Variants in PLCG1 observed in about 807,000 individuals in gnomAD.
PLCG1 encodes phospholipase C gamma 1.
Under a neutral mutation model 177.8 loss-of-function variants are expected in PLCG1, and 71 were observed. The observed-to-expected ratio is 0.40, with a 90% confidence interval of 0.33 to 0.49. The LOEUF (loss-of-function observed/expected upper bound fraction) is 0.49, where lower values mean the gene tolerates loss of function less well. Ranked by LOEUF, PLCG1 falls within the 20% of genes least tolerant of loss-of-function variation. The probability of loss-of-function intolerance (pLI) is 0.72; values close to 1 mark genes in which losing one functional copy is unlikely to be tolerated. For synonymous variants in PLCG1, 658 were observed against 647.9 expected, an observed-to-expected ratio of 1.02 and a Z score of -0.24; for missense variants, 1,281 against 1,709.0, an observed-to-expected ratio of 0.75 and a Z score of 4.42.
rs2146039550 is a variant in PLCG1, at chr20:41,163,544, G to A, written c.891+65G>A. The A allele has an allele frequency of 1.0e-5, 13 of 1,263,528 alleles. No homozygotes were observed. Among genetic ancestry groups the A allele is most frequent in the East Asian group, 2.3e-5 (1 of 43,246 alleles). 78.3% of individuals were successfully genotyped at this position (1,263,528 alleles called of 1,614,324 possible). A position where few individuals can be genotyped will look rare whatever the true frequency, so the allele number is the denominator to read the frequency against. Reference sequence around the variant, plus strand: ...AGTAGGGGTGACCAGGACCCCACCCGGGCTCCAGGAGCTAGACGCTCCTTA... The same window carrying A: ...AGTAGGGGTGACCAGGACCCCACCCAGGCTCCAGGAGCTAGACGCTCCTTA... On this transcript the variant is annotated intron_variant, in intron 9 of 31. Coordinates refer to ENST00000685551, the MANE Select transcript of PLCG1 (RefSeq NM_002660.3). The surrounding 1 kb of genome is among the most constrained non-coding windows in gnomAD (Gnocchi z 5.2).
rs368335992 is a variant in PLCG1 at position 41,163,957 on chromosome 20, C to T, written c.1047C>T (p.Ser349=). ...GGGACCAGTTCTCCAGTGAGTCCTCCTTGGAAGCCTATGCTCGCTGCCTGC... is the reference window on the plus strand; with the variant it reads ...GGGACCAGTTCTCCAGTGAGTCCTCTTTGGAAGCCTATGCTCGCTGCCTGC... ...LTGDQFSSES[S]LEAYARCLRM... Residue 349 remains serine, a synonymous_variant, in exon 11 of 32, where the codon TCC becomes TCT. Coordinates refer to ENST00000685551, the MANE Select transcript of PLCG1 (RefSeq NM_002660.3). This position sits in a 1 kb window ranked among gnomAD's most constrained non-coding sequence, Gnocchi z 5.2. 23 of 1,614,074 alleles carry T rather than the reference C, an allele frequency of 1.4e-5. No individual in the cohort carries two copies. Among genetic ancestry groups the T allele is most frequent in the East Asian group, 2.2e-5 (1 of 44,890 alleles).
At position 41,151,741 on chromosome 20, in the gene PLCG1, A is replaced by G. The variant is rs550374655; in HGVS notation, c.218-7865A>G. On this transcript the variant is annotated intron_variant, in intron 1 of 31. Coordinates refer to ENST00000685551, the MANE Select transcript of PLCG1 (RefSeq NM_002660.3). This position sits in a 1 kb window ranked among gnomAD's most constrained non-coding sequence, Gnocchi z 5.5. Reference sequence around the variant, plus strand: ...TGCAGCCAGCTTGGAAATGCTGACCATCCTGTGACCTGGCTACTATTGCAT... The same window carrying G: ...TGCAGCCAGCTTGGAAATGCTGACCGTCCTGTGACCTGGCTACTATTGCAT... 6.6e-6 allele frequency among the ~76,000 whole-genome samples: 1 copy of G among 152,262 alleles called. No homozygotes were observed. Among genetic ancestry groups the G allele is most frequent in the African/African-American group, 2.4e-5 (1 of 41,548 alleles).
rs1365063985 is a variant in PLCG1, at chr20:41,173,627, A to C, written c.3395-25A>C. Reference sequence around the variant, plus strand: ...TCCCATCCTCTCCCACGGTGACCTGAAGCCTTTTGTCGTTGCCTTCACAGT... The same window carrying C: ...TCCCATCCTCTCCCACGGTGACCTGCAGCCTTTTGTCGTTGCCTTCACAGT... On this transcript the variant is annotated intron_variant, in intron 28 of 31. Coordinates refer to ENST00000685551, the MANE Select transcript of PLCG1 (RefSeq NM_002660.3). This position sits in a 1 kb window ranked among gnomAD's most constrained non-coding sequence, Gnocchi z 6.2. 3.7e-6 allele frequency: 6 copies of C among 1,614,102 alleles called. No homozygotes were observed. The highest frequency in any genetic ancestry group is 8.5e-7 in the Non-Finnish European group (1 of 1,180,002).
chr20:41,154,624 C>T (rs1017319908), intron 1 of PLCG1, among the ~76,000 whole-genome samples: 12 of 152,052 alleles, frequency 7.9e-5, no homozygotes, highest in Admixed American at 4.6e-4. Flanking sequence ...TCGGGGGAGT[C>T]GGGGTGGGAG....
At chr20:41,152,467 T>G (rs1233878544) in intron 1 of PLCG1, among the ~76,000 whole-genome samples, 1 of 152,262 alleles carries the variant, frequency 6.6e-6, no homozygotes, top group South Asian at 2.1e-4. Flanking sequence ...CGTTGTTACC[T>G]CACTGACCAC....
chr20:41,138,328 G>C (rs2034682784), intron 1 of PLCG1, among the ~76,000 whole-genome samples: 1 of 152,204 alleles, frequency 6.6e-6, no homozygotes, highest in African/African-American at 2.4e-5. Flanking sequence ...ATTTGCAAAG[G>C]AATCTTTGGG....
rs1304149698 is a variant in PLCG1 at position 41,161,695 on chromosome 20, C to T, written c.513-757C>T. On this transcript the variant is annotated intron_variant, in intron 4 of 31. Coordinates refer to ENST00000685551, the MANE Select transcript of PLCG1 (RefSeq NM_002660.3). ...GTGCCTCCTCCCAGGCTCTTGGGGCCCAGAGGAGGTGGTCCCACCCTCCCC... is the reference window on the plus strand; with the variant it reads ...GTGCCTCCTCCCAGGCTCTTGGGGCTCAGAGGAGGTGGTCCCACCCTCCCC... Among the ~76,000 whole-genome samples, 3 of 152,018 alleles carry T rather than the reference C, an allele frequency of 2.0e-5. No individual in the cohort carries two copies. In the East Asian group the frequency reaches 5.8e-4, roughly 29 times the overall value.
rs540938105 is a variant in PLCG1 at position 41,147,840 on chromosome 20, T to C, written c.217+9982T>C. ...TCCAGCCTGGGTGACAGAGCAAGAC[T>C]CTGTCTCTTTAAAAAAAAAAAAAAA... On this transcript the variant is annotated intron_variant, in intron 1 of 31. Transcript: ENST00000685551. This position sits in a 1 kb window ranked among gnomAD's most constrained non-coding sequence, Gnocchi z 4.0. Among the ~76,000 whole-genome samples the C allele has an allele frequency of 6.6e-6, 1 of 151,550 alleles. No homozygotes were observed. Among genetic ancestry groups the C allele is most frequent in the South Asian group, 2.1e-4 (1 of 4,762 alleles).
chr20:41,149,158 A>T (rs958247719), intron 1 of PLCG1, among the ~76,000 whole-genome samples: 12 of 152,198 alleles, frequency 7.9e-5, no homozygotes, highest in African/African-American at 2.9e-4. Flanking sequence ...CAGAGGTAGT[A>T]ACTACTTCAT....
In PLCG1 at chr20:41,157,228, G is replaced by GTGTGTGTGTGTA; in HGVS notation, c.218-2367_218-2366insATGTGTGTGTGT. 6.6e-6 allele frequency among the ~76,000 whole-genome samples: 1 copy of GTGTGTGTGTGTA among 151,242 alleles called. No individual in the cohort carries two copies. Among genetic ancestry groups the GTGTGTGTGTGTA allele is most frequent in the East Asian group, 1.9e-4 (1 of 5,174 alleles). On this transcript the variant is annotated intron_variant, in intron 1 of 31. Transcript: ENST00000685551. This position sits in a 1 kb window ranked among gnomAD's most constrained non-coding sequence, Gnocchi z 5.4. ...TCTGTGTGTGTGTGTGTGTGTGTGTGTGTGTGTGTGTGTACAGTCACACTC... is the reference window on the plus strand; with the variant it reads ...TCTGTGTGTGTGTGTGTGTGTGTGTGTGTGTGTGTGTATGTGTGTGTGTGTACAGTCACACTC...
rs1484905188 is a variant in PLCG1, at chr20:41,167,012, C to CCAGGAGGGTGTCTG, written c.2301+162_2301+175dup. ...CCAGCTGGGAGCCACAGTGTGGGTA[C>CCAGGAGGGTGTCTG]CAGGAGGGTGTCTGCAGGAGGGGAC... On this transcript the variant is annotated intron_variant, in intron 19 of 31. Transcript: ENST00000685551. The surrounding 1 kb of genome is among the most constrained non-coding windows in gnomAD (Gnocchi z 4.4). 16 of 686,192 alleles carry CCAGGAGGGTGTCTG rather than the reference C, an allele frequency of 2.3e-5. No homozygotes were observed. The Admixed American group carries it at 3.9e-4, about 17-fold the overall frequency. The allele number at this position is 686,192 out of a possible 1,614,324, so 42.5% of individuals were successfully genotyped here. A position where few individuals can be genotyped will look rare whatever the true frequency, so the allele number is the denominator to read the frequency against.
intron 1 of PLCG1, among the ~76,000 whole-genome samples, chr20:41,158,912 C>T (rs35890770): frequency 6.6e-6 from 1 of 152,268 alleles, no homozygotes; most frequent in South Asian, 2.1e-4. Flanking sequence ...GGCAGGTCAT[C>T]TGCTATTCAA....
rs745668828 is a variant in PLCG1 at position 41,151,424 on chromosome 20, C to T, written c.218-8182C>T. Among the ~76,000 whole-genome samples the T allele has an allele frequency of 1.2e-4, 18 of 152,214 alleles. No homozygotes were observed. The highest frequency in any genetic ancestry group is 2.1e-4 in the Non-Finnish European group (14 of 68,038). The stretch of plus-strand genomic sequence containing the variant: ...CGCGGGTCTGGTTTGAAGGCAGCTG[C>T]TGCACAGTAATGGGAAGGACAGTAA... On this transcript the variant is annotated intron_variant, in intron 1 of 31. Coordinates refer to ENST00000685551, the MANE Select transcript of PLCG1 (RefSeq NM_002660.3). This position sits in a 1 kb window ranked among gnomAD's most constrained non-coding sequence, Gnocchi z 5.5.
chr20:41,166,219 C>T lies in PLCG1; in HGVS notation c.1825C>T (p.Arg609Cys), dbSNP rs1157573228. The stretch of plus-strand genomic sequence containing the variant: ...GCGGAACGGGAAAGTCCAGCACTGC[C>T]GTATCCACTCCCGGCAAGATGCTGG... Reference protein sequence around the residue: ...FWRNGKVQHCRIHSRQDAGTP... With the variant: ...FWRNGKVQHCCIHSRQDAGTP... Residue 609 changes from arginine to cysteine, a missense_variant, in exon 17 of 32, where the codon CGT becomes TGT. Physicochemically the swap from Arg to Cys is radical, Grantham distance 180. This residue lies in a region of PLCG1 where 723 missense variants were observed against 1,030.0 expected (regional missense o/e 0.70). Coordinates refer to ENST00000685551, the MANE Select transcript of PLCG1 (RefSeq NM_002660.3). The surrounding 1 kb of genome is among the most constrained non-coding windows in gnomAD (Gnocchi z 8.6). The T allele has an allele frequency of 3.7e-6, 6 of 1,613,802 alleles. No homozygotes were observed. Among genetic ancestry groups the T allele is most frequent in the Non-Finnish European group, 8.5e-7 (1 of 1,179,984 alleles).
rs1189565415 is a variant in PLCG1 at position 41,169,498 on chromosome 20, G to C, written c.2622G>C (p.Gly874=). The C allele has an allele frequency of 6.2e-7, 1 of 1,613,752 alleles. No homozygotes were observed. The highest frequency in any genetic ancestry group is 1.7e-5 in the Admixed American group (1 of 60,014). Residue 874 remains glycine, a synonymous_variant, in exon 23 of 32, where the codon GGG becomes GGC. Transcript: ENST00000685551. ...ENSPLGDLLR[G]VLDVPACQIA... is the part of the protein sequence containing the mutation. The stretch of plus-strand genomic sequence containing the variant: ...GCCCCCTAGGGGACTTGCTGCGGGG[G>C]GTCTTGGATGTGCCGGCTTGTCAGA...
chr20:41,170,588 A>C (rs543871926), intron 24 of PLCG1: 23 of 279,268 alleles, frequency 8.2e-5, no homozygotes, highest in Non-Finnish European at 1.5e-4. Flanking sequence ...GGGCTGAGGC[A>C]TAGAAGGGAT....
Position 41,174,244 on chromosome 20 carries a change from C to A in PLCG1, c.3766C>A (p.Gln1256Lys), listed in dbSNP as rs2035992660. 1.2e-6 allele frequency: 2 copies of A among 1,614,216 alleles called. No homozygotes were observed. The highest frequency in any genetic ancestry group is 1.7e-5 in the Admixed American group (1 of 60,034). ...AGGCTCCTTTGAATCCCGCTACCAGCAGCCGTTTGAGGACTTCCGCATCTC... is the reference window on the plus strand; with the variant it reads ...AGGCTCCTTTGAATCCCGCTACCAGAAGCCGTTTGAGGACTTCCGCATCTC... ...REGSFESRYQQPFEDFRISQE... is the reference protein window; with the variant it reads ...REGSFESRYQKPFEDFRISQE... Residue 1256 changes from glutamine to lysine, a missense_variant, in exon 31 of 32, where the codon CAG becomes AAG. Physicochemically the swap from Gln to Lys is moderately conservative, Grantham distance 53. Around this residue, in one of 4 missense-constraint regions of PLCG1, gnomAD observed 153 missense variants for 153.2 expected, o/e 1.00. Coordinates refer to ENST00000685551, the MANE Select transcript of PLCG1 (RefSeq NM_002660.3). The surrounding 1 kb of genome is among the most constrained non-coding windows in gnomAD (Gnocchi z 5.8).
Position 41,162,842 on chromosome 20 carries a change from A to G in PLCG1, c.682-116A>G, listed in dbSNP as rs749380876. 1.1e-4 allele frequency: 145 copies of G among 1,328,238 alleles called. No individual in the cohort carries two copies. The Middle Eastern group carries it at 1.1e-3, about 10-fold the overall frequency. The allele number at this position is 1,328,238 out of a possible 1,614,324, so 82.3% of individuals were successfully genotyped here. ...AGGGGCTTTTGGGTGCCATTTCTCC[A>G]GTTCTTCTCCTCTTGAGGCCTGCCC... On this transcript the variant is annotated intron_variant, in intron 6 of 31. Transcript: ENST00000685551.
rs191579805 is a variant in PLCG1, at chr20:41,159,829, G to A, written c.371-41G>A. The A allele has an allele frequency of 6.6e-5, 106 of 1,611,688 alleles. No individual in the cohort carries two copies. In the Admixed American group the frequency reaches 1.2e-3, roughly 18 times the overall value. The stretch of plus-strand genomic sequence containing the variant: ...GCCTGCTGGCTCCTGCCCAGTGGGA[G>A]GTATGTGCCCTCGGGGCAGCTATTG... On this transcript the variant is annotated intron_variant, in intron 2 of 31. Transcript: ENST00000685551. The surrounding 1 kb of genome is among the most constrained non-coding windows in gnomAD (Gnocchi z 6.0).
Sources: allele counts gnomAD v4.1 joint callset (sites outside exome capture counted in the v4.1 genomes callset), GRCh38; gene constraint gnomAD v4.1.1; regional missense constraint gnomAD v4.1.1; non-coding constraint Gnocchi (gnomAD v3.1); transcripts MANE v1.5; gene names NCBI Gene and HGNC (gene_info 2026-07-23, HGNC 2026-07-21).